Variants in USH2A observed in about 807,000 individuals in gnomAD.
The protein encoded by USH2A is usherin, also known as Usher syndrome 2A (autosomal recessive, mild).
A neutral mutation model predicts 538.9 loss-of-function variants in USH2A; 443 were observed. The observed-to-expected ratio is 0.82, with a 90% CI of 0.76 to 0.89. The LOEUF (loss-of-function observed/expected upper bound fraction) is 0.89, where lower values mean the gene tolerates loss of function less well. USH2A is among the 40% of genes least tolerant of loss of function. The pLI, the probability that USH2A is intolerant of heterozygous loss-of-function variation, is 0.00. For synonymous variants in USH2A, 2,413 were observed against 2,273.5 expected (o/e 1.06, Z -1.75); for missense variants, 6,633 against 6,324.8 (o/e 1.05, Z -1.65).
chr1:216,298,856 T>C (rs2037157248), intron 9 of USH2A, among the ~76,000 whole-genome samples: 1 of 151,768 alleles, frequency 6.6e-6, no homozygotes, highest in African/African-American at 2.4e-5. Flanking sequence ...TTTTTTTTTT[T>C]TTGAGACGGA....
Position 215,794,733 on chromosome 1 carries a change from G to A in USH2A, c.9958+4174C>T, listed in dbSNP as rs371123446. On this transcript the variant is annotated intron_variant, in intron 50 of 71. Coordinates refer to ENST00000307340, the MANE Select transcript of USH2A (RefSeq NM_206933.4). ...GAAACTCTAGAGCTTATCTTGATTC[G>A]CAAGAGTTGAGGGCTGTCACCATTT... Among the ~76,000 whole-genome samples, 30 of 152,278 alleles carry A rather than the reference G, an allele frequency of 2.0e-4. 1 individual carries two copies. The South Asian group carries it at 5.8e-3, about 29-fold the overall frequency.
In USH2A at chr1:216,190,082, A is replaced by G. The variant is rs1006545689; in HGVS notation, c.4396+141T>C. 1.1e-5 allele frequency: 13 copies of G among 1,225,124 alleles called. No individual in the cohort carries two copies. The African/African-American group carries it at 1.4e-4, about 13-fold the overall frequency. 75.9% of individuals were successfully genotyped at this position (1,225,124 alleles called of 1,614,324 possible). A position where few individuals can be genotyped will look rare whatever the true frequency, so the allele number is the denominator to read the frequency against. On this transcript the variant is annotated intron_variant, in intron 20 of 71. Coordinates refer to ENST00000307340, the MANE Select transcript of USH2A (RefSeq NM_206933.4). ...TTACGTTTTGGTTGTTGTTGTTTAA[A>G]ACTGTTGAGGTAAGAAGCAATCAGA...
At chr1:216,187,866 A>G (rs2102652708) in intron 20 of USH2A, among the ~76,000 whole-genome samples, 1 of 152,098 alleles carries the variant, frequency 6.6e-6, no homozygotes, top group South Asian at 2.1e-4. Flanking sequence ...CAGAGGTTAG[A>G]TAATTTATAT....
intron 9 of USH2A, among the ~76,000 whole-genome samples, chr1:216,309,071 C>T (rs1043054172): frequency 2.6e-5 from 4 of 152,148 alleles, no homozygotes; most frequent in Non-Finnish European, 4.4e-5. Context: ...TATAATGTCC[C>T]ATCATGCCTA....
chr1:216,346,789 G>C (rs1261952229), intron 4 of USH2A, among the ~76,000 whole-genome samples: 1 of 151,520 alleles, frequency 6.6e-6, no homozygotes, highest in East Asian at 1.9e-4. Context: ...TTCCTCTAAG[G>C]CTCCACCCTG....
intron 38 of USH2A, among the ~76,000 whole-genome samples, chr1:215,924,487 A>G (rs1363080374): frequency 6.6e-6 from 1 of 152,146 alleles, no homozygotes; most frequent in Admixed American, 6.6e-5. Context: ...TTGTCTATGA[A>G]AAAATGAGGA....
intron 4 of USH2A, among the ~76,000 whole-genome samples, chr1:216,343,171 T>C (rs1266467745): frequency 6.6e-6 from 1 of 151,936 alleles, no homozygotes; most frequent in Non-Finnish European, 1.5e-5. Flanking sequence ...GCCCACAGAT[T>C]ATACAGAACT....
chr1:215,758,286 C>CAA (rs34577448), intron 58 of USH2A, among the ~76,000 whole-genome samples: 1 of 135,242 alleles, frequency 7.4e-6, no homozygotes. Context: ...AACTCCGTCT[C>CAA]AAAAAAAAAA....
chr1:215,701,565 C>G (rs1571970140), intron 61 of USH2A, among the ~76,000 whole-genome samples: 1 of 152,124 alleles, frequency 6.6e-6, no homozygotes. Context: ...CCCTTTACCA[C>G]TATGTAATTC....
rs727504307 is a variant in USH2A at position 215,779,956 on chromosome 1, C to A, written c.10826G>T (p.Ser3609Ile). Reference protein sequence around the residue: ...TALSAVALHLSWSVPEKSNGV... With the variant: ...TALSAVALHLIWSVPEKSNGV... Reference sequence around the variant, plus strand: ...GTTTGATTTCTCAGGGACACTCCAGCTCAGATGCAGAGCCACTGCACTTAG... The same window carrying A: ...GTTTGATTTCTCAGGGACACTCCAGATCAGATGCAGAGCCACTGCACTTAG... Residue 3609 changes from serine to isoleucine, a missense_variant, in exon 55 of 72, where the codon AGC (serine) becomes ATC (isoleucine). By Grantham distance (142) the Ser-to-Ile change is moderately radical (BLOSUM62 -2). Transcript: ENST00000307340. 1.7e-5 allele frequency: 28 copies of A among 1,614,170 alleles called. 1 individual carries two copies. The Admixed American group carries it at 4.7e-4, about 27-fold the overall frequency.
intron 19 of USH2A, chr1:216,195,679 G>C (rs776753961): frequency 2.6e-5 from 4 of 156,172 alleles, no homozygotes; most frequent in Non-Finnish European, 5.9e-5. Flanking sequence ...AAAGAAAAAT[G>C]TGGCTAGATC....
intron 44 of USH2A, among the ~76,000 whole-genome samples, chr1:215,849,812 T>G (rs931445187): frequency 6.6e-6 from 1 of 152,112 alleles, no homozygotes; most frequent in Admixed American, 6.6e-5. Context: ...TTTCAACAAG[T>G]TTTGAGGGGA....
chr1:216,219,075 A>G (rs1390103922), intron 14 of USH2A, among the ~76,000 whole-genome samples: 4 of 151,982 alleles, frequency 2.6e-5, no homozygotes, highest in East Asian at 3.9e-4. Context: ...AGTTTTTATT[A>G]CCATTCACTC....
Position 216,246,604 on chromosome 1 carries a change from C to T in USH2A, c.2790G>A (p.Arg930=), listed in dbSNP as rs539673747. Residue 930 remains arginine (R), a synonymous_variant, in exon 13 of 72, where the codon AGG becomes AGA. Coordinates refer to ENST00000307340, the MANE Select transcript of USH2A (RefSeq NM_206933.4). ...TCTTACCTGGTTGACACTGATTACA[C>T]CTTCTTCCTTGACGATTAGGCACAC... ...CLCVPNRQGR[R]CNQCQPGFYI... 1 of 1,614,054 alleles carries T rather than the reference C, an allele frequency of 6.2e-7. No homozygotes were observed. The highest frequency in any genetic ancestry group is 2.2e-5 in the East Asian group (1 of 44,862).
intron 61 of USH2A, among the ~76,000 whole-genome samples, chr1:215,712,426 A>G (rs1314110957): frequency 1.3e-5 from 2 of 152,210 alleles, no homozygotes; most frequent in Non-Finnish European, 2.9e-5. Flanking sequence ...TGTCAGCAGC[A>G]CTGTCGTTTT....
intron 18 of USH2A, among the ~76,000 whole-genome samples, chr1:216,197,443 T>A (rs1407086222): frequency 1.3e-5 from 2 of 152,122 alleles, no homozygotes; most frequent in Non-Finnish European, 2.9e-5. Flanking sequence ...ATTTTCCCCT[T>A]CCAGAATGCC....
intron 37 of USH2A, among the ~76,000 whole-genome samples, chr1:215,959,717 A>G (rs1254451774): frequency 6.6e-6 from 1 of 152,088 alleles, no homozygotes; most frequent in Non-Finnish European, 1.5e-5. Context: ...TCTGTGGCAC[A>G]GCACAAAATA....
intron 30 of USH2A, 57 bp from the exon 31 acceptor site, chr1:216,048,704 G>A (rs1192998147): frequency 5.8e-6 from 8 of 1,385,828 alleles, no homozygotes; most frequent in East Asian, 2.3e-5. Context: ...TCAATAAAGA[G>A]CATTGTGTGT....
chr1:216,177,862 G>C (rs2034420721), intron 20 of USH2A, among the ~76,000 whole-genome samples: 1 of 152,074 alleles, frequency 6.6e-6, no homozygotes, highest in African/African-American at 2.4e-5. Context: ...CTGGATTTGA[G>C]AGGTGAATGT....
Sources: gnomAD v4.1 joint callset for allele counts (sites outside exome capture counted in the v4.1 genomes callset) on GRCh38, gnomAD v4.1.1 for gene constraint, MANE v1.5 for transcripts, NCBI Gene and HGNC (gene_info 2026-07-23, HGNC 2026-07-21) for gene names.